MEGF10: variants seen among roughly 807,000 people sequenced by gnomAD.
The protein encoded by MEGF10 is multiple epidermal growth factor-like domains protein 10.
Under a neutral mutation model 147.5 loss-of-function variants are expected in MEGF10, and 86 were observed. The ratio of observed to expected loss-of-function variants is 0.58; its 90% CI spans 0.49 to 0.70. The LOEUF (loss-of-function observed/expected upper bound fraction) is 0.70. Among genes scored for constraint, MEGF10 ranks in the 30% least tolerant of loss-of-function variants. The pLI, the probability that MEGF10 is intolerant of heterozygous loss-of-function variation, is 0.00. For synonymous variants in MEGF10, 478 were observed against 525.5 expected (o/e 0.91, Z 1.24); for missense variants, 1,329 against 1,487.3 (o/e 0.89, Z 1.75).
chr5:127,438,528 A>C lies in MEGF10; in HGVS notation c.2194A>C (p.Lys732Gln), dbSNP rs780437227. 1.9e-6 allele frequency: 3 copies of C among 1,614,160 alleles called. No individual in the cohort carries two copies. The highest frequency in any genetic ancestry group is 2.5e-6 in the Non-Finnish European group (3 of 1,180,010). The change falls in exon 17 of 25, where the codon AAA (lysine) becomes CAA (glutamine). Residue 732 changes from lysine to glutamine, a missense_variant. Around this residue, in one of 3 missense-constraint regions of MEGF10, gnomAD observed 980 missense variants for 1,085.9 expected, o/e 0.90. Transcript: ENST00000503335. ...CTGCAGCGCCTACGATGGGGAATGT[A>C]AATGCACTCCTGGCTGGACAGGGCT... ...AFCSAYDGEC[K>Q]CTPGWTGLYC...
chr5:127,256,677 T>C, the MEGF10 span, among the ~76,000 whole-genome samples: 1 of 152,160 alleles, frequency 6.6e-6, no homozygotes, highest in Non-Finnish European at 1.5e-5. Flanking sequence ...CTTTAACAAG[T>C]GTCATGAATA....
At chr5:127,443,564 C>A (rs781116367) in intron 19 of MEGF10, among the ~76,000 whole-genome samples, 15 of 152,090 alleles carry the variant, frequency 9.9e-5, no homozygotes, top group Admixed American at 8.5e-4. Context: ...TATCCATCAC[C>A]ATGTGTTTCC....
chr5:127,324,665 CTG>C (rs1404804378), intron 1 of MEGF10, among the ~76,000 whole-genome samples: 1 of 152,156 alleles, frequency 6.6e-6, no homozygotes, highest in African/African-American at 2.4e-5. Flanking sequence ...CACACCTTCT[CTG>C]TTAATCTCCC....
chr5:127,325,585 T>C (rs563301777), intron 1 of MEGF10, among the ~76,000 whole-genome samples: 27 of 152,126 alleles, frequency 1.8e-4, no homozygotes, highest in African/African-American at 6.5e-4. Flanking sequence ...GTCTTAATCA[T>C]GGTGTGCATC....
the MEGF10 span, among the ~76,000 whole-genome samples, chr5:127,245,156 C>G: frequency 3.9e-5 from 6 of 152,202 alleles, no homozygotes; most frequent in Admixed American, 3.9e-4. Flanking sequence ...CAAGACAATC[C>G]TAAGCAAAAA....
At chr5:127,243,081 G>T in the MEGF10 span, among the ~76,000 whole-genome samples, 1 of 152,300 alleles carries the variant, frequency 6.6e-6, no homozygotes, top group East Asian at 1.9e-4. Context: ...TGCATGTAAT[G>T]TGGTAGCATA....
the MEGF10 span, among the ~76,000 whole-genome samples, chr5:127,269,932 A>G: frequency 2.0e-5 from 3 of 152,228 alleles, no homozygotes; most frequent in Non-Finnish European, 2.9e-5. Flanking sequence ...AATAGTCAAC[A>G]TTCTTAAAGA....
At chr5:127,241,541 G>C in the MEGF10 span, among the ~76,000 whole-genome samples, 18 of 152,100 alleles carry the variant, frequency 1.2e-4, no homozygotes, top group African/African-American at 3.6e-4. Context: ...TTTTTTGGTG[G>C]GGGGCTTAAA....
chr5:127,403,248 T>C (rs1347366627), intron 8 of MEGF10, among the ~76,000 whole-genome samples: 1 of 152,148 alleles, frequency 6.6e-6, no homozygotes, highest in Non-Finnish European at 1.5e-5. Flanking sequence ...TAAACTGTTA[T>C]CTCAGAGCGC....
chr5:127,354,011 T>A (rs1762186895), intron 4 of MEGF10, among the ~76,000 whole-genome samples: 1 of 152,242 alleles, frequency 6.6e-6, no homozygotes, highest in Non-Finnish European at 1.5e-5. Context: ...TGTGTATGAT[T>A]TCCTGTTCTT....
chr5:127,419,119 G>A lies in MEGF10; in HGVS notation c.1306-1G>A, dbSNP rs1580846151. On this transcript the variant is annotated splice_acceptor_variant, in intron 10 of 24. Transcript: ENST00000503335. LOFTEE classifies it high-confidence loss of function. The stretch of plus-strand genomic sequence containing the variant: ...GCATTTTGCTACTTGTGCCTGTCTA[G>A]GGAATTGACTGCTCTACCCCATGCC... 6.2e-7 allele frequency: 1 copy of A among 1,603,956 alleles called. No individual in the cohort carries two copies. Among genetic ancestry groups the A allele is most frequent in the Non-Finnish European group, 8.5e-7 (1 of 1,177,452 alleles).
chr5:127,285,078 G>T, the MEGF10 span, among the ~76,000 whole-genome samples: 1 of 152,298 alleles, frequency 6.6e-6, no homozygotes, highest in East Asian at 1.9e-4. Context: ...ATCAGCAGTT[G>T]AATGACTGTA....
At chr5:127,248,990 G>A in the MEGF10 span, among the ~76,000 whole-genome samples, 1 of 151,890 alleles carries the variant, frequency 6.6e-6, no homozygotes, top group Non-Finnish European at 1.5e-5. Flanking sequence ...AGTTCATCAA[G>A]CTGAAGATAA....
intron 4 of MEGF10, among the ~76,000 whole-genome samples, chr5:127,342,960 A>G (rs1284910093): frequency 2.0e-5 from 3 of 151,620 alleles, no homozygotes; most frequent in Non-Finnish European, 4.4e-5. Context: ...TCTTGATTTC[A>G]TTGCTTCCCC....
Position 127,445,509 on chromosome 5 carries a change from T to C in MEGF10, c.2544T>C (p.Ala848=), listed in dbSNP as rs1240091735. 9 of 1,614,012 alleles carry C rather than the reference T, an allele frequency of 5.6e-6. No individual in the cohort carries two copies. Among genetic ancestry groups the C allele is most frequent in the Non-Finnish European group, 7.6e-6 (9 of 1,180,028 alleles). The part of the protein sequence containing the change: ...NLNSLSRTST[A]LPADSYQIGA... The stretch of plus-strand genomic sequence containing the variant: ...ACAGCTTAAGCCGAACCAGTACTGC[T>C]CTCCCTGCTGATTCCTACCAGATCG... The change falls in exon 20 of 25, where the codon GCT becomes GCC. Residue 848 remains alanine, a synonymous_variant. Coordinates refer to ENST00000503335, the MANE Select transcript of MEGF10 (RefSeq NM_001256545.2).
At position 127,440,689 on chromosome 5, in the gene MEGF10, G is replaced by A. The variant is rs755063956; in HGVS notation, c.2234-50G>A. ...ATGTTGGAGGCACGAGCCTCCAAGTGTTTCTCTTCAGCAGCCTCTTGACTC... is the reference window on the plus strand; with the variant it reads ...ATGTTGGAGGCACGAGCCTCCAAGTATTTCTCTTCAGCAGCCTCTTGACTC... On this transcript the variant is annotated intron_variant, in intron 17 of 24. Coordinates refer to ENST00000503335, the MANE Select transcript of MEGF10 (RefSeq NM_001256545.2). 5 of 1,601,062 alleles carry A rather than the reference G, an allele frequency of 3.1e-6. No homozygotes were observed. In the Admixed American group the frequency reaches 5.1e-5, roughly 16 times the overall value.
the MEGF10 span, among the ~76,000 whole-genome samples, chr5:127,263,216 C>T: frequency 6.6e-6 from 1 of 150,938 alleles, no homozygotes; most frequent in South Asian, 2.1e-4. Flanking sequence ...AGAAAGCAGC[C>T]CTTTGCCTGA....
intron 13 of MEGF10, among the ~76,000 whole-genome samples, chr5:127,425,083 A>G (rs1277354018): frequency 2.6e-5 from 4 of 152,208 alleles, no homozygotes. Flanking sequence ...TCAAGTGTCC[A>G]CCTGCTTTGA....
intron 4 of MEGF10, among the ~76,000 whole-genome samples, chr5:127,343,730 C>T (rs977069311): frequency 1.3e-5 from 2 of 152,004 alleles, no homozygotes; most frequent in African/African-American, 2.4e-5. Flanking sequence ...GTGGGAGGAT[C>T]CGTTGAGCCC....
Sources: allele counts gnomAD v4.1 joint callset (sites outside exome capture counted in the v4.1 genomes callset), GRCh38; gene constraint gnomAD v4.1.1; regional missense constraint gnomAD v4.1.1; transcripts MANE v1.5; gene names NCBI Gene and HGNC (gene_info 2026-07-23, HGNC 2026-07-21).